Variants in ARHGEF10 observed in about 807,000 individuals in gnomAD.
The protein encoded by ARHGEF10 is Rho guanine nucleotide exchange factor (GEF) 10.
A neutral mutation model predicts 147.4 loss-of-function variants in ARHGEF10; 140 were observed. The ratio of observed to expected loss-of-function variants is 0.95; its 90% CI spans 0.83 to 1.09. The LOEUF is 1.09. Ranked by LOEUF, ARHGEF10 falls within the 50% of genes least tolerant of loss-of-function variation. ARHGEF10 has a pLI of 0.00. For synonymous variants in ARHGEF10, 902 were observed against 695.8 expected (o/e 1.30, Z -4.67); for missense variants, 2,222 against 1,752.7 (o/e 1.27, Z -4.78).
intron 13 of ARHGEF10, among the ~76,000 whole-genome samples, chr8:1,895,594 G>T (rs1809904865): frequency 6.6e-6 from 1 of 151,964 alleles, no homozygotes; most frequent in Non-Finnish European, 1.5e-5. Flanking sequence ...TATATATTAG[G>T]TTCAACCTTA....
Position 1,896,396 on chromosome 8 carries a change from G to C in ARHGEF10, c.1504G>C (p.Ala502Pro). 6.2e-7 allele frequency: 1 copy of C among 1,614,026 alleles called. No homozygotes were observed. The change falls in exon 14 of 29, where the codon GCA becomes CCA. Residue 502 changes from alanine (A) to proline (P), a missense_variant. Transcript: ENST00000349830. ...EYVNNFSTAV[A>P]VLKKTCATKP... The stretch of plus-strand genomic sequence containing the variant: ...TGTGAACAATTTCAGCACAGCCGTG[G>C]CAGTCCTCAAGAAAACATGTGCCAC...
At position 1,860,047 on chromosome 8, in the gene ARHGEF10, A is replaced by C. The variant is rs1232996369; in HGVS notation, c.344A>C (p.Glu115Ala). 4.3e-6 allele frequency: 7 copies of C among 1,613,876 alleles called. No individual in the cohort carries two copies. Among genetic ancestry groups the C allele is most frequent in the South Asian group, 1.1e-5 (1 of 91,058 alleles). The change falls in exon 4 of 29, where the codon GAG (glutamate) becomes GCG (alanine). Residue 115 changes from glutamate (E) to alanine (A), a missense_variant. Coordinates refer to ENST00000349830, the MANE Select transcript of ARHGEF10 (RefSeq NM_014629.4). ...ACCCCCGTGCCCAGCGCTGAGGAGG[A>C]GAATGTGGGTCTCCATGTGCCCTGC... ...PPTPVPSAEE[E>A]NVGLHVPCGY...
chr8:1,919,567 TGAGCTGTTCTGTGGATGATG>T (rs1402258288), intron 18 of ARHGEF10, among the ~76,000 whole-genome samples: 3 of 141,994 alleles, frequency 2.1e-5, no homozygotes, highest in Non-Finnish European at 3.1e-5. Flanking sequence ...CTATGGGTGA[TGAGCTGTTCTGTGGATGATG>T]GAGCTGTTCT....
intron 4 of ARHGEF10, among the ~76,000 whole-genome samples, chr8:1,861,307 G>A (rs1024703736): frequency 4.6e-5 from 7 of 152,366 alleles, no homozygotes; most frequent in Non-Finnish European, 7.3e-5. Context: ...GAAGGACAGC[G>A]TGCAGTCCGT....
intron 11 of ARHGEF10, among the ~76,000 whole-genome samples, chr8:1,886,336 T>C (rs1180341324): frequency 6.6e-6 from 1 of 152,028 alleles, no homozygotes; most frequent in Non-Finnish European, 1.5e-5. Context: ...GAGGTGCAAA[T>C]CATGGACACC....
At chr8:1,895,561 T>C (rs867019013) in intron 13 of ARHGEF10, among the ~76,000 whole-genome samples, 2 of 152,150 alleles carry the variant, frequency 1.3e-5, no homozygotes, top group Non-Finnish European at 2.9e-5. Flanking sequence ...TATTTTGTTA[T>C]TGGATTTTTT....
chr8:1,930,787 G>A (rs181318218), intron 25 of ARHGEF10, among the ~76,000 whole-genome samples: 19 of 152,314 alleles, frequency 1.2e-4, no homozygotes, highest in African/African-American at 3.1e-4. Flanking sequence ...GGCCTGGCCT[G>A]TGCGCACCTG....
chr8:1,947,989 G>C lies in ARHGEF10; in HGVS notation c.3397+2334G>C, dbSNP rs374941453. Among the ~76,000 whole-genome samples the C allele has an allele frequency of 2.8e-4, 42 of 152,096 alleles. 1 individual carries two copies. The South Asian group carries it at 8.8e-3, about 32-fold the overall frequency. On this transcript the variant is annotated intron_variant, in intron 27 of 28. Transcript: ENST00000349830. ...AGACCCCTTGCCGGCTGCTCAGGTC[G>C]CAGGTTCTGGCTAAATCGCAGCTGC...
At chr8:1,952,875 C>G in intron 28 of ARHGEF10, 48 bp downstream of exon 28, 1 of 1,612,864 alleles carries the variant, frequency 6.2e-7, no homozygotes, top group Non-Finnish European at 8.5e-7. Flanking sequence ...CTTGCAGGCT[C>G]GTGGAGCATA....
At position 1,903,359 on chromosome 8, in the gene ARHGEF10, G is replaced by T; in HGVS notation, c.1729G>T (p.Ala577Ser). 2.5e-6 allele frequency: 4 copies of T among 1,614,160 alleles called. No individual in the cohort carries two copies. Among genetic ancestry groups the T allele is most frequent in the Non-Finnish European group, 3.4e-6 (4 of 1,180,042 alleles). ...QMALTELETL[A>S]EKLNERKRDA... is the part of the protein sequence containing the mutation. ...GGCCCTGACAGAGCTCGAAACACTA[G>T]CAGAGAAGTTAAATGAAAGAAAGAG... The change falls in exon 16 of 29, where the codon GCA becomes TCA. Residue 577 changes from alanine to serine, a missense_variant. Physicochemically the swap from Ala to Ser is moderately conservative, Grantham distance 99. Coordinates refer to ENST00000349830, the MANE Select transcript of ARHGEF10 (RefSeq NM_014629.4).
chr8:1,832,649 CAG>C (rs372672448), intron 1 of ARHGEF10, among the ~76,000 whole-genome samples: 9,368 of 38,378 alleles, frequency 0.24, 3,232 homozygotes, highest in Middle Eastern at 0.36. Flanking sequence ...GAGGCAGAGA[CAG>C]AGAGAGACAG....
Position 1,933,933 on chromosome 8 carries a change from T to C in ARHGEF10, c.3213T>C (p.His1071=). ...GQVFIISVET[H]AVEGQLEAHQ... ...TCTTCATCATCAGTGTGGAGACTCATGCTGTAGAGGTAAGTCACTTAGGTG... is the reference window on the plus strand; with the variant it reads ...TCTTCATCATCAGTGTGGAGACTCACGCTGTAGAGGTAAGTCACTTAGGTG... The change falls in exon 26 of 29, where the codon CAT becomes CAC. Residue 1071 remains histidine (H), a synonymous_variant. Transcript: ENST00000349830. The C allele has an allele frequency of 6.2e-7, 1 of 1,614,194 alleles. No individual in the cohort carries two copies. Among genetic ancestry groups the C allele is most frequent in the Non-Finnish European group, 8.5e-7 (1 of 1,180,030 alleles).
intron 25 of ARHGEF10, among the ~76,000 whole-genome samples, chr8:1,930,336 C>A (rs544189058): frequency 6.6e-6 from 1 of 152,118 alleles, no homozygotes; most frequent in African/African-American, 2.4e-5. Context: ...GAGACCATGT[C>A]CCAGCTCACT....
rs1807376095 is a variant in ARHGEF10, at chr8:1,873,691, G to C, written c.680-2880G>C. Among the ~76,000 whole-genome samples, 4 of 141,604 alleles carry C rather than the reference G, an allele frequency of 2.8e-5. 1 individual carries two copies. The highest frequency in any genetic ancestry group is 1.0e-4 in the African/African-American group (4 of 38,218). The allele number at this position is 141,604 out of a possible 152,430, so 92.9% of individuals were successfully genotyped here. Reference sequence around the variant, plus strand: ...TGCACCCGCATTTCCTCGTTTCATTGAGCGGTGCCCGCGGGGTAGTGCACT... The same window carrying C: ...TGCACCCGCATTTCCTCGTTTCATTCAGCGGTGCCCGCGGGGTAGTGCACT... On this transcript the variant is annotated intron_variant, in intron 7 of 28. Coordinates refer to ENST00000349830, the MANE Select transcript of ARHGEF10 (RefSeq NM_014629.4).
chr8:1,857,453 C>T (rs1805636717), intron 2 of ARHGEF10, among the ~76,000 whole-genome samples: 1 of 150,356 alleles, frequency 6.7e-6, no homozygotes, highest in Non-Finnish European at 1.5e-5. Context: ...AGAGTTTTGC[C>T]CTGTCACCCA....
chr8:1,833,644 C>G (rs528968898), intron 1 of ARHGEF10, among the ~76,000 whole-genome samples: 1 of 152,336 alleles, frequency 6.6e-6, no homozygotes, highest in South Asian at 2.1e-4. Flanking sequence ...TGGGTCAGCC[C>G]CCTTTCCATG....
At chr8:1,886,746 A>G (rs915333669) in intron 11 of ARHGEF10, among the ~76,000 whole-genome samples, 4 of 152,110 alleles carry the variant, frequency 2.6e-5, no homozygotes, top group African/African-American at 9.7e-5. Flanking sequence ...TCCCGTTGCC[A>G]TCCTTGTGTA....
chr8:1,825,773 T>C (rs1378781402), intron 1 of ARHGEF10, among the ~76,000 whole-genome samples: 2 of 152,144 alleles, frequency 1.3e-5, no homozygotes, highest in East Asian at 3.9e-4. Context: ...AAAATTCTCA[T>C]TGACTCAAGA....
At chr8:1,881,231 C>G (rs927976738) in intron 9 of ARHGEF10, among the ~76,000 whole-genome samples, 1 of 150,854 alleles carries the variant, frequency 6.6e-6, no homozygotes, top group African/African-American at 2.5e-5. Context: ...CCCTGAGATC[C>G]GGGAGTCCTG....
Sources: allele counts gnomAD v4.1 joint callset (sites outside exome capture counted in the v4.1 genomes callset), GRCh38; gene constraint gnomAD v4.1.1; transcripts MANE v1.5; gene names NCBI Gene and HGNC (gene_info 2026-07-23, HGNC 2026-07-21).